ABCA4: variants seen among roughly 807,000 people sequenced by gnomAD.
The protein encoded by ABCA4 is ATP binding cassette subfamily A member 4, also known as retinal-specific phospholipid-transporting ATPase ABCA4.
Under a neutral mutation model 263.7 loss-of-function variants are expected in ABCA4, and 196 were observed. The observed-to-expected ratio is 0.74, with a 90% confidence interval of 0.66 to 0.84. ABCA4 has a LOEUF of 0.84. Ranked by LOEUF, ABCA4 falls within the 40% of genes least tolerant of loss-of-function variation. The probability of loss-of-function intolerance (pLI) is 0.00; values close to 1 mark genes in which losing one functional copy is unlikely to be tolerated. For missense variants in ABCA4, 2,792 were observed against 2,855.1 expected (o/e 0.98, Z 0.50); for synonymous variants, 1,133 against 1,094.2 (o/e 1.04, Z -0.70).
At chr1:94,055,001 G>T in intron 16 of ABCA4, 110 bp downstream of exon 16, 1 of 1,139,590 alleles carries the variant, frequency 8.8e-7, no homozygotes, top group African/African-American at 1.5e-5. Context: ...AACTTCAAAT[G>T]CTGGTTCTGA....
intron 17 of ABCA4, among the ~76,000 whole-genome samples, chr1:94,049,233 C>G (rs1660770824): frequency 6.6e-6 from 1 of 152,128 alleles, no homozygotes; most frequent in Admixed American, 6.5e-5. Flanking sequence ...TTAAGAAAAC[C>G]AGGTTTGAAT....
At chr1:94,047,874 C>T (rs1660730366) in intron 18 of ABCA4, among the ~76,000 whole-genome samples, 1 of 152,204 alleles carries the variant, frequency 6.6e-6, no homozygotes, top group African/African-American at 2.4e-5. Context: ...TCTATCCCTG[C>T]TTCATTTCAC....
chr1:94,055,275 T>C lies in ABCA4; in HGVS notation c.2423A>G (p.Tyr808Cys), dbSNP rs1317347413. ...SPVAFGFGTE[Y>C]LVRFEEQGLG... The stretch of plus-strand genomic sequence containing the variant: ...GCCTTGCTCTTCAAAGCGAACCAGG[T>C]ACTCAGTGCCAAATCCAAATGCCAC... Residue 808 changes from tyrosine to cysteine, a missense_variant, in exon 16 of 50, where the codon TAC becomes TGC. Physicochemically the swap from Tyr to Cys is radical, Grantham distance 194 (BLOSUM62 -2). Coordinates refer to ENST00000370225, the MANE Select transcript of ABCA4 (RefSeq NM_000350.3). 6.2e-7 allele frequency: 1 copy of C among 1,614,098 alleles called. No individual in the cohort carries two copies. Among genetic ancestry groups the C allele is most frequent in the South Asian group, 1.1e-5 (1 of 91,068 alleles).
At chr1:94,080,740 A>G in intron 7 of ABCA4, 22 bp from the exon 8 acceptor site, 1 of 1,614,172 alleles carries the variant, frequency 6.2e-7, no homozygotes, top group Non-Finnish European at 8.5e-7. Context: ...CAAAGTCTTC[A>G]GGTTATTTTA....
chr1:94,095,749 G>GT (rs4147879), intron 6 of ABCA4, among the ~76,000 whole-genome samples: 57,604 of 136,716 alleles, frequency 0.42, 12,365 homozygotes, highest in East Asian at 0.64. Context: ...TTTCTTTCAG[G>GT]TTTTTTTTTT....
chr1:94,103,121 T>C lies in ABCA4; in HGVS notation c.464A>G (p.Asp155Gly). The C allele has an allele frequency of 6.2e-7, 1 of 1,614,094 alleles. No homozygotes were observed. Among genetic ancestry groups the C allele is most frequent in the African/African-American group, 1.3e-5 (1 of 75,048 alleles). Residue 155 changes from aspartate to glycine, a missense_variant, in exon 5 of 50, where the codon GAT becomes GGT. Coordinates refer to ENST00000370225, the MANE Select transcript of ABCA4 (RefSeq NM_000350.3). ...RIAGRGIRIR[D>G]ILKDEETLTL... is the part of the protein sequence containing the mutation. The stretch of plus-strand genomic sequence containing the variant: ...CAGTGTTTCTTCATCTTTCAAGATA[T>C]CCCTTATTCGTATTCCTCTTCCTAC...
intron 38 of ABCA4, among the ~76,000 whole-genome samples, chr1:94,013,108 G>A (rs1269644954): frequency 1.3e-5 from 2 of 152,212 alleles, no homozygotes; most frequent in Non-Finnish European, 2.9e-5. Context: ...TTATTCTGAA[G>A]GAAAACTGTC....
At chr1:94,049,077 TAGGACTGTG>T in intron 17 of ABCA4, 120 bp from the exon 18 acceptor site, 1 of 893,620 alleles carries the variant, frequency 1.1e-6, no homozygotes, top group Non-Finnish European at 1.8e-6. Context: ...TGACCTGCTC[TAGGACTGTG>T]AGGTACTCAA....
intron 36 of ABCA4, chr1:94,018,591 A>T: frequency 2.2e-6 from 1 of 456,014 alleles, no homozygotes; most frequent in South Asian, 1.5e-5. Flanking sequence ...TTAAAAAACC[A>T]TGGATGAGAA....
At chr1:94,083,526 G>C in intron 6 of ABCA4, 85 bp from the exon 7 acceptor site, 1 of 1,021,210 alleles carries the variant, frequency 9.8e-7, no homozygotes, top group Non-Finnish European at 1.5e-6. Context: ...TCTCCTATAT[G>C]TTTGAAAACT....
intron 20 of ABCA4, among the ~76,000 whole-genome samples, chr1:94,044,112 T>TCCTTCCTTCCTC (rs55642896): frequency 4.2e-4 from 3 of 7,126 alleles, no homozygotes; most frequent in African/African-American, 4.6e-4. Flanking sequence ...CTTCCTTCCT[T>TCCTTCCTTCCTC]CCTTCCTTCC....
At chr1:94,082,138 A>C (rs1313983565) in intron 7 of ABCA4, among the ~76,000 whole-genome samples, 1 of 152,214 alleles carries the variant, frequency 6.6e-6, no homozygotes, top group Non-Finnish European at 1.5e-5. Context: ...TGCTTCAATA[A>C]AGTCAAAATC....
rs1379090043 is a variant in ABCA4, at chr1:93,999,338, A to G, written c.6480-1228T>C. Among the ~76,000 whole-genome samples the G allele has an allele frequency of 2.0e-5, 3 of 152,190 alleles. No individual in the cohort carries two copies. In the East Asian group the frequency reaches 5.8e-4, roughly 29 times the overall value. On this transcript the variant is annotated intron_variant, in intron 47 of 49. Transcript: ENST00000370225. ...TAGGATTACAGGTGTAAGCCACTGC[A>G]CCTGGCCGTCAAAGGTAGTTTTAGC...
At chr1:94,047,335 T>C (rs922750471) in intron 18 of ABCA4, among the ~76,000 whole-genome samples, 1 of 152,224 alleles carries the variant, frequency 6.6e-6, no homozygotes, top group African/African-American at 2.4e-5. Flanking sequence ...AATGTACTCT[T>C]ACAATGGTCC....
chr1:94,120,802 G>A (rs1662925647), intron 1 of ABCA4, among the ~76,000 whole-genome samples, 178 bp downstream of exon 1: 1 of 152,078 alleles, frequency 6.6e-6, no homozygotes, highest in Admixed American at 6.6e-5. Flanking sequence ...ACTGTCAGAG[G>A]GGCCCACAGA....
At chr1:94,118,211 C>T (rs1296052214) in intron 1 of ABCA4, among the ~76,000 whole-genome samples, 2 of 152,066 alleles carry the variant, frequency 1.3e-5, no homozygotes, top group Middle Eastern at 3.2e-3. Context: ...TCGGAGAGTT[C>T]AGGGAGGTGA....
At chr1:94,011,233 A>T (rs1659537993) in intron 39 of ABCA4, 29 bp downstream of exon 39, 3 of 1,613,678 alleles carry the variant, frequency 1.9e-6, no homozygotes, top group Non-Finnish European at 2.5e-6. Context: ...CCCAGGGCCC[A>T]TGCTCCATGG....
In ABCA4 at chr1:94,108,898, G is replaced by A. The variant is rs556261497; in HGVS notation, c.303-182C>T. Among the ~76,000 whole-genome samples the A allele has an allele frequency of 1.6e-3, 239 of 151,700 alleles. 1 individual carries two copies. The highest frequency in any genetic ancestry group is 2.3e-3 in the Non-Finnish European group (156 of 67,932). On this transcript the variant is annotated intron_variant, in intron 3 of 49. Coordinates refer to ENST00000370225, the MANE Select transcript of ABCA4 (RefSeq NM_000350.3). Reference sequence around the variant, plus strand: ...CGCTATTCTCCTGCCTCAGCCTCCCGAGTAGCTGGGACTACAGGCGCCCGC... The same window carrying A: ...CGCTATTCTCCTGCCTCAGCCTCCCAAGTAGCTGGGACTACAGGCGCCCGC...
At chr1:93,996,623 G>T (rs1474321798) in intron 48 of ABCA4, among the ~76,000 whole-genome samples, 1 of 152,094 alleles carries the variant, frequency 6.6e-6, no homozygotes, top group Non-Finnish European at 1.5e-5. Flanking sequence ...AGATCCTCAG[G>T]GGTTAAATGG....
Sources: allele counts gnomAD v4.1 joint callset (sites outside exome capture counted in the v4.1 genomes callset), GRCh38; gene constraint gnomAD v4.1.1; transcripts MANE v1.5; gene names NCBI Gene and HGNC (gene_info 2026-07-23, HGNC 2026-07-21).